The following SLA variants were observed in gnomAD, a reference collection of about 807,000 sequenced individuals.
SLA encodes the protein Src like adaptor.
SLA carries 16 observed loss-of-function variants against 30.3 expected under a neutral mutation model. The ratio of observed to expected loss-of-function variants is 0.53; its 90% confidence interval spans 0.36 to 0.80. The LOEUF is 0.80. Ranked by LOEUF, SLA falls within the 30% of genes least tolerant of loss-of-function variation. The pLI, the probability that SLA is intolerant of heterozygous loss-of-function variation, is 0.01. For missense variants in SLA, 310 were observed against 345.2 expected, an observed-to-expected ratio of 0.90 and a Z score of 0.81; for synonymous variants, 143 against 137.8, an observed-to-expected ratio of 1.04 and a Z score of -0.26.
At chr8:133,046,085 A>G (rs905153441) in intron 6 of SLA, among the ~76,000 whole-genome samples, 1 of 152,244 alleles carries the variant, frequency 6.6e-6, no homozygotes, top group African/African-American at 2.4e-5. Context: ...TGGTAAGAGT[A>G]GAACCGCAGC....
At chr8:133,068,744 G>A (rs916014730) in intron 2 of SLA, among the ~76,000 whole-genome samples, 1 of 152,244 alleles carries the variant, frequency 6.6e-6, no homozygotes, top group Non-Finnish European at 1.5e-5. Flanking sequence ...GGCAGCAGAA[G>A]CCATTCCTGA....
At chr8:133,059,004 G>T in intron 3 of SLA, 1 of 462,230 alleles carries the variant, frequency 2.2e-6, no homozygotes, top group Non-Finnish European at 4.3e-6. Context: ...GTCCATTTTG[G>T]AAGCAGTGAG....
In SLA at chr8:133,037,368, G is replaced by T. The variant is rs1411062744; in HGVS notation, c.*1156C>A. 2 of 152,172 alleles carry T rather than the reference G, an allele frequency of 1.3e-5. No homozygotes were observed. The highest frequency in any genetic ancestry group is 2.9e-5 in the Non-Finnish European group (2 of 68,042). The allele number at this position is 152,172 out of a possible 1,614,324, so 9.4% of individuals were successfully genotyped here. A position where few individuals can be genotyped will look rare whatever the true frequency, so the allele number is the denominator to read the frequency against. ...GCTGAGCATTTTTCCTCATATGGAT[G>T]CCAGACCCTTCTTAGAATAAAGTAC... On this transcript the variant is annotated 3_prime_UTR_variant, in exon 9 of 9. Transcript: ENST00000338087.
chr8:133,058,987 TG>T, intron 3 of SLA: 1 of 468,930 alleles, frequency 2.1e-6, no homozygotes, highest in East Asian at 6.6e-5. Context: ...CCACACAAGC[TG>T]GGCCTGTCCA....
intron 5 of SLA, chr8:133,049,323 T>C (rs1840005546): frequency 2.7e-6 from 1 of 365,510 alleles, no homozygotes. Context: ...TCTGGATAGG[T>C]ATTTGATTAG....
At chr8:133,071,252 T>C (rs538653621) in intron 2 of SLA, among the ~76,000 whole-genome samples, 2 of 152,350 alleles carry the variant, frequency 1.3e-5, no homozygotes, top group South Asian at 4.1e-4. Flanking sequence ...ATCATTACGC[T>C]GAGGCCTTTT....
At chr8:133,047,519 G>A (rs1430811379) in intron 6 of SLA, 2 of 383,970 alleles carry the variant, frequency 5.2e-6, no homozygotes, top group Non-Finnish European at 9.8e-6. Context: ...CATTCTATCT[G>A]CACAGCATGC....
At chr8:133,081,684 G>A (rs1030701375) in intron 1 of SLA, among the ~76,000 whole-genome samples, 1 of 152,100 alleles carries the variant, frequency 6.6e-6, no homozygotes, top group African/African-American at 2.4e-5. Flanking sequence ...TTCTGTCATT[G>A]CTCAACCTAG....
chr8:133,072,509 G>A (rs1381414992), intron 2 of SLA, among the ~76,000 whole-genome samples: 1 of 152,200 alleles, frequency 6.6e-6, no homozygotes, highest in East Asian at 1.9e-4. Flanking sequence ...CAGGACCCTT[G>A]GGCTGCTAAC....
intron 3 of SLA, among the ~76,000 whole-genome samples, chr8:133,056,673 G>A (rs532339765): frequency 3.3e-5 from 5 of 152,308 alleles, no homozygotes; most frequent in Admixed American, 6.5e-5. Flanking sequence ...CAGAAGCCTC[G>A]TGGGGCTGTG....
rs1350385163 is a variant in SLA at position 133,038,276 on chromosome 8, C to T, written c.*248G>A. ...TGCATACATACATGCTGGGCTCTTC[C>T]AAGCATCGCCCGACATGTCATGATC... is the stretch of plus-strand genomic sequence containing the variant. On this transcript the variant is annotated 3_prime_UTR_variant, in exon 9 of 9. Transcript: ENST00000338087. The T allele has an allele frequency of 9.3e-6, 5 of 539,890 alleles. No homozygotes were observed. Among genetic ancestry groups the T allele is most frequent in the South Asian group, 8.3e-5 (4 of 48,256 alleles). 33.4% of individuals were successfully genotyped at this position (539,890 alleles called of 1,614,324 possible). A position where few individuals can be genotyped will look rare whatever the true frequency, so the allele number is the denominator to read the frequency against.
intron 2 of SLA, among the ~76,000 whole-genome samples, chr8:133,061,086 A>G (rs1054491188): frequency 2.6e-5 from 4 of 152,184 alleles, no homozygotes; most frequent in Non-Finnish European, 5.9e-5. Context: ...ATCTCGGCTC[A>G]CTGCAACCCT....
At position 133,044,882 on chromosome 8, in the gene SLA, C is replaced by G. The variant is rs1321432213; in HGVS notation, c.484+102G>C. ...GAGCATATCATGAAGGCAGCATAGG[C>G]AGTAAGCAAGACCCCTCTGCATTCC... On this transcript the variant is annotated intron_variant, in intron 7 of 8. Transcript: ENST00000338087. The G allele has an allele frequency of 2.6e-5, 30 of 1,136,744 alleles. No homozygotes were observed. The East Asian group carries it at 7.1e-4, about 27-fold the overall frequency. The allele number at this position is 1,136,744 out of a possible 1,614,324, so 70.4% of individuals were successfully genotyped here. A position where few individuals can be genotyped will look rare whatever the true frequency, so the allele number is the denominator to read the frequency against.
intron 1 of SLA, among the ~76,000 whole-genome samples, chr8:133,078,755 AT>A (rs1198365069): frequency 6.6e-6 from 1 of 152,322 alleles, no homozygotes; most frequent in East Asian, 1.9e-4. Context: ...TATTTGCTGA[AT>A]TACTCACTTT....
At chr8:133,060,714 A>G (rs1293439951) in intron 2 of SLA, among the ~76,000 whole-genome samples, 1 of 152,242 alleles carries the variant, frequency 6.6e-6, no homozygotes, top group South Asian at 2.1e-4. Flanking sequence ...GGAAAACTTC[A>G]TAACAACTCT....
chr8:133,040,190 T>G, intron 7 of SLA, 60 bp from the exon 8 acceptor site: 1 of 1,541,558 alleles, frequency 6.5e-7, no homozygotes, highest in Non-Finnish European at 8.8e-7. Flanking sequence ...CAGTGTGGGG[T>G]TCAGGCCTGA....
At chr8:133,040,597 C>T (rs564278845) in intron 7 of SLA, among the ~76,000 whole-genome samples, 2 of 152,238 alleles carry the variant, frequency 1.3e-5, no homozygotes, top group African/African-American at 4.8e-5. Context: ...CTGATCCCCC[C>T]AGTTGTGCAT....
At chr8:133,047,797 C>T (rs374708312) in intron 6 of SLA, 33 bp downstream of exon 6, 60 of 1,202,808 alleles carry the variant, frequency 5.0e-5, no homozygotes, top group Middle Eastern at 3.8e-4. Flanking sequence ...TTGTCTGCCC[C>T]GGATGGGGAA....
chr8:133,070,016 AAAAAAAAAAAG>A (rs869180048), intron 2 of SLA, among the ~76,000 whole-genome samples: 15 of 95,666 alleles, frequency 1.6e-4, no homozygotes, highest in African/African-American at 2.0e-4. Flanking sequence ...AAAAAAAAAA[AAAAAAAAAAAG>A]AAAGAAAGAA....
Sources: gnomAD v4.1 joint callset for allele counts (sites outside exome capture counted in the v4.1 genomes callset) on GRCh38, gnomAD v4.1.1 for gene constraint, MANE v1.5 for transcripts, NCBI Gene and HGNC (gene_info 2026-07-23, HGNC 2026-07-21) for gene names.